MAPKAP1: variants seen among roughly 807,000 people sequenced by gnomAD.
MAPKAP1 encodes MAPK associated protein 1, also known as target of rapamycin complex 2 subunit MAPKAP1.
A neutral mutation model predicts 65.7 loss-of-function variants in MAPKAP1; 20 were observed. The observed-to-expected ratio is 0.30, with a 90% confidence interval of 0.21 to 0.44. The LOEUF is 0.44. Ranked by LOEUF, MAPKAP1 falls within the 20% of genes least tolerant of loss-of-function variation. MAPKAP1 has a pLI of 1.00. For missense variants in MAPKAP1, 423 were observed against 648.0 expected (o/e 0.65, Z 3.77); for synonymous variants, 222 against 244.3 (o/e 0.91, Z 0.85).
chr9:125,585,811 G>T (rs1444192396), intron 4 of MAPKAP1, 84 bp from the exon 5 acceptor site: 1 of 1,345,026 alleles, frequency 7.4e-7, no homozygotes, highest in African/African-American at 1.4e-5. Flanking sequence ...GGGCAGCACA[G>T]CCATTTTTCA....
rs558303375 is a variant in MAPKAP1, at chr9:125,576,718, G to A, written c.671+8837C>T. ...ATTTTTTTGGTGGAGACGGGGTTTC[G>A]CTGTGTTGGCCGGGCTGGTCTCCAG... is the stretch of plus-strand genomic sequence containing the variant. On this transcript the variant is annotated intron_variant, in intron 5 of 11. Coordinates refer to ENST00000265960, the MANE Select transcript of MAPKAP1 (RefSeq NM_001006617.3). Among the ~76,000 whole-genome samples, 12 of 152,330 alleles carry A rather than the reference G, an allele frequency of 7.9e-5. No homozygotes were observed. In the South Asian group the frequency reaches 1.2e-3, roughly 16 times the overall value.
intron 7 of MAPKAP1, chr9:125,521,630 CAG>C (rs1829619952): frequency 6.6e-7 from 1 of 1,525,934 alleles, no homozygotes; most frequent in Non-Finnish European, 8.8e-7. Flanking sequence ...ACAGTAAATC[CAG>C]AGTGACAGAA....
At chr9:125,464,675 G>A (rs1471668887) in intron 10 of MAPKAP1, among the ~76,000 whole-genome samples, 1 of 152,134 alleles carries the variant, frequency 6.6e-6, no homozygotes, top group East Asian at 1.9e-4. Flanking sequence ...GGGAGAAGTC[G>A]AGGGGAATGG....
chr9:125,540,536 G>T (rs1186298674), intron 7 of MAPKAP1, among the ~76,000 whole-genome samples: 2 of 152,312 alleles, frequency 1.3e-5, no homozygotes, highest in African/African-American at 4.8e-5. Context: ...CTTCACTGAC[G>T]TTCAGTAAGG....
chr9:125,535,020 T>C (rs2133148990), intron 7 of MAPKAP1, among the ~76,000 whole-genome samples: 1 of 152,330 alleles, frequency 6.6e-6, no homozygotes, highest in South Asian at 2.1e-4. Context: ...TCTTAGTGCC[T>C]ACACAGTGCC....
intron 11 of MAPKAP1, among the ~76,000 whole-genome samples, chr9:125,441,387 C>G (rs1044721624): frequency 6.6e-6 from 1 of 152,140 alleles, no homozygotes; most frequent in Non-Finnish European, 1.5e-5. Context: ...GACCTTGGGC[C>G]TCCATCTCCT....
chr9:125,605,183 A>T (rs1014715309), intron 4 of MAPKAP1, among the ~76,000 whole-genome samples: 1 of 152,250 alleles, frequency 6.6e-6, no homozygotes, highest in African/African-American at 2.4e-5. Flanking sequence ...ACTTTTCATT[A>T]TGCTACAAAC....
At chr9:125,501,600 A>C (rs1484078749) in intron 8 of MAPKAP1, among the ~76,000 whole-genome samples, 3 of 152,028 alleles carry the variant, frequency 2.0e-5, no homozygotes, top group Non-Finnish European at 2.9e-5. Flanking sequence ...TTTTTTTCTT[A>C]AGTTTTTGGT....
At chr9:125,665,593 C>T (rs1264007412) in intron 3 of MAPKAP1, among the ~76,000 whole-genome samples, 1 of 151,710 alleles carries the variant, frequency 6.6e-6, no homozygotes, top group Non-Finnish European at 1.5e-5. Context: ...AGCCCGCCTG[C>T]ACCCAGATGA....
intron 3 of MAPKAP1, 43 bp from the exon 4 acceptor site, chr9:125,657,842 A>C (rs753097903): frequency 6.3e-7 from 1 of 1,591,508 alleles, no homozygotes; most frequent in Non-Finnish European, 8.6e-7. Context: ...GATTACACAG[A>C]GACAACTTGT....
chr9:125,461,466 C>A (rs1458524252), intron 10 of MAPKAP1, among the ~76,000 whole-genome samples: 1 of 152,178 alleles, frequency 6.6e-6, no homozygotes, highest in Non-Finnish European at 1.5e-5. Flanking sequence ...TCCACTCAGG[C>A]CCAAGGAGAG....
chr9:125,462,361 G>A (rs992014616), intron 10 of MAPKAP1, among the ~76,000 whole-genome samples: 1 of 152,136 alleles, frequency 6.6e-6, no homozygotes, highest in East Asian at 1.9e-4. Context: ...CTACAAACAA[G>A]TAACAAAATC....
chr9:125,578,515 C>A (rs1438017071), intron 5 of MAPKAP1, among the ~76,000 whole-genome samples: 1 of 151,228 alleles, frequency 6.6e-6, no homozygotes, highest in Non-Finnish European at 1.5e-5. Flanking sequence ...AAAAGAAAAA[C>A]CTCACAAAAT....
chr9:125,446,027 T>G (rs1301405810), intron 10 of MAPKAP1, among the ~76,000 whole-genome samples: 1 of 152,312 alleles, frequency 6.6e-6, no homozygotes, highest in East Asian at 1.9e-4. Context: ...GCATATCCTT[T>G]CTATTAGTCC....
chr9:125,451,760 CCTT>C (rs1564515360), intron 10 of MAPKAP1, among the ~76,000 whole-genome samples: 1 of 151,384 alleles, frequency 6.6e-6, no homozygotes, highest in Non-Finnish European at 1.5e-5. Context: ...CTCTGGTTTT[CCTT>C]CTTTTGATCA....
At chr9:125,562,729 T>C (rs1280881930) in intron 5 of MAPKAP1, among the ~76,000 whole-genome samples, 6 of 152,248 alleles carry the variant, frequency 3.9e-5, no homozygotes, top group Admixed American at 2.0e-4. Flanking sequence ...CTTAGATATA[T>C]AAGCTCACTG....
chr9:125,498,828 C>T (rs972935272), intron 8 of MAPKAP1, among the ~76,000 whole-genome samples: 6 of 152,198 alleles, frequency 3.9e-5, no homozygotes, highest in African/African-American at 1.4e-4. Flanking sequence ...CCTCCCCACT[C>T]TCCTTCCCTT....
chr9:125,528,789 G>A (rs1408424683), intron 7 of MAPKAP1, among the ~76,000 whole-genome samples: 1 of 150,238 alleles, frequency 6.7e-6, no homozygotes, highest in Non-Finnish European at 1.5e-5. Context: ...GGAGGTTGCG[G>A]TGAGCTGAGA....
intron 7 of MAPKAP1, among the ~76,000 whole-genome samples, chr9:125,541,210 G>A (rs1830237302): frequency 6.6e-6 from 1 of 152,146 alleles, no homozygotes; most frequent in Non-Finnish European, 1.5e-5. Flanking sequence ...ACACAAAGGT[G>A]AACATAAATA....
Sources: gnomAD v4.1 joint callset for allele counts (sites outside exome capture counted in the v4.1 genomes callset) on GRCh38, gnomAD v4.1.1 for gene constraint, MANE v1.5 for transcripts, NCBI Gene and HGNC (gene_info 2026-07-23, HGNC 2026-07-21) for gene names.